Variants in CEP131 observed in about 807,000 individuals in gnomAD.
CEP131 encodes centrosomal protein 131, also known as centrosomal protein of 131 kDa.
A neutral mutation model predicts 136.8 loss-of-function variants in CEP131; 99 were observed. The observed-to-expected ratio is 0.72, with a 90% CI of 0.62 to 0.86. CEP131 has a LOEUF of 0.86. Ranked by LOEUF, CEP131 falls within the 40% of genes least tolerant of loss-of-function variation. The probability of loss-of-function intolerance (pLI) is 0.00; values close to 1 mark genes in which losing one functional copy is unlikely to be tolerated. For missense variants in CEP131, 1,459 were observed against 1,463.0 expected (o/e 1.00, Z 0.04); for synonymous variants, 646 against 612.7 (o/e 1.05, Z -0.80).
In CEP131 at chr17:81,219,252, C is replaced by G. The variant is rs541819031; in HGVS notation, c.177+628G>C. ...ACCCGTCTAGGTTTCTCCAAGGCCA[C>G]CAGGAGCTCATCACCCCTCCCCACA... On this transcript the variant is annotated intron_variant, in intron 2 of 25. Transcript: ENST00000450824. The surrounding 1 kb of genome is among the most constrained non-coding windows in gnomAD (Gnocchi z 4.0). 6.0e-5 allele frequency among the ~76,000 whole-genome samples: 9 copies of G among 149,928 alleles called. No homozygotes were observed. The highest frequency in any genetic ancestry group is 2.2e-4 in the African/African-American group (9 of 40,942).
At chr17:81,193,447 C>T (rs551187283) in intron 18 of CEP131, among the ~76,000 whole-genome samples, 6 of 152,138 alleles carry the variant, frequency 3.9e-5, no homozygotes, top group Admixed American at 1.3e-4. Context: ...CCCTGTGGCC[C>T]GCAGATCCTG....
chr17:81,199,880 G>A (rs753386339), intron 8 of CEP131, 45 bp from the exon 9 acceptor site: 15 of 1,589,486 alleles, frequency 9.4e-6, no homozygotes, highest in Admixed American at 3.3e-5. Flanking sequence ...TCTGGAAGAC[G>A]GAATCCAGAC....
chr17:81,219,886 C>G lies in CEP131; in HGVS notation c.171G>C (p.Lys57Asn). ...CCTAGGCCACAGTACTCACCAGCAC[C>G]TTCCTCTTCTGCTCGCTGCCTGTGA... ...SVVTGSEQKR[K>N]VLEATGPGGS... Residue 57 changes from lysine (K) to asparagine (N), a missense_variant, in exon 2 of 26, where the codon AAG (lysine) becomes AAC (asparagine). Physicochemically the swap from Lys to Asn is moderately conservative, Grantham distance 94 (BLOSUM62 0). Around this residue, in one of 3 missense-constraint regions of CEP131, gnomAD observed 187 missense variants for 179.9 expected, o/e 1.04. Transcript: ENST00000450824. The surrounding 1 kb of genome is among the most constrained non-coding windows in gnomAD (Gnocchi z 4.0). The G allele has an allele frequency of 6.2e-7, 1 of 1,605,318 alleles. No individual in the cohort carries two copies. The highest frequency in any genetic ancestry group is 1.3e-5 in the African/African-American group (1 of 74,572).
Position 81,197,578 on chromosome 17 carries a change from G to C in CEP131, c.1647+134C>G. 4 of 1,334,040 alleles carry C rather than the reference G, an allele frequency of 3.0e-6. No homozygotes were observed. In the South Asian group the frequency reaches 6.1e-5, roughly 20 times the overall value. The allele number at this position is 1,334,040 out of a possible 1,614,324, so 82.6% of individuals were successfully genotyped here. ...CCACCTCCTGCTGGGGGCCGGGTGG[G>C]GGCTGGCGAGAGACCTCCTCCCCCT... On this transcript the variant is annotated intron_variant, in intron 13 of 25. Transcript: ENST00000450824.
intron 2 of CEP131, among the ~76,000 whole-genome samples, chr17:81,216,919 T>C (rs548992064): frequency 6.6e-6 from 1 of 152,324 alleles, no homozygotes; most frequent in East Asian, 1.9e-4. Flanking sequence ...ATGAAGGGGC[T>C]GCCACTCACT....
At chr17:81,191,477 G>C (rs2061641041) in intron 21 of CEP131, 142 bp from the exon 22 acceptor site, 1 of 741,218 alleles carries the variant, frequency 1.3e-6, no homozygotes, top group Non-Finnish European at 2.3e-6. Context: ...CCCCTGTCCA[G>C]GGGTGCGCTA....
rs193110870 is a variant in CEP131 at position 81,195,686 on chromosome 17, C to T, written c.2016+149G>A. On this transcript the variant is annotated intron_variant, in intron 16 of 25. Transcript: ENST00000450824. ...GGACCAGCTCGGTGCCACGGTGCTC[C>T]CCCAGACAGCCCCACCCACCGCTGT... 1,483 of 706,942 alleles carry T rather than the reference C, an allele frequency of 2.1e-3. 16 individuals are homozygous for T. In the African/African-American group the frequency reaches 0.023, roughly 11 times the overall value. 43.8% of individuals were successfully genotyped at this position (706,942 alleles called of 1,614,324 possible).
chr17:81,205,150 C>T (rs1300638931), intron 5 of CEP131, among the ~76,000 whole-genome samples: 1 of 151,256 alleles, frequency 6.6e-6, no homozygotes, highest in African/African-American at 2.4e-5. Context: ...TCCCAGCTAC[C>T]CAGGAGGCTG....
At chr17:81,218,396 G>A (rs556332011) in intron 2 of CEP131, among the ~76,000 whole-genome samples, 1 of 152,310 alleles carries the variant, frequency 6.6e-6, no homozygotes, top group South Asian at 2.1e-4. Context: ...TGAACCTAGG[G>A]CTTTAGAAAC....
chr17:81,195,131 C>T (rs925419665), intron 16 of CEP131, among the ~76,000 whole-genome samples, 159 bp from the exon 17 acceptor site: 1 of 144,224 alleles, frequency 6.9e-6, no homozygotes. Flanking sequence ...TGCTGCCCTC[C>T]CCAGCGCCCG....
At chr17:81,197,929 C>G in intron 12 of CEP131, 41 bp from the exon 13 acceptor site, 1 of 1,590,522 alleles carries the variant, frequency 6.3e-7, no homozygotes, top group Non-Finnish European at 8.6e-7. Context: ...GTCAGGGCAG[C>G]CTGAGGACTT....
chr17:81,192,685 G>GGGGGGGGGGCCCCCCCC, intron 19 of CEP131, 51 bp downstream of exon 19: 1 of 478,416 alleles, frequency 2.1e-6, no homozygotes, highest in Non-Finnish European at 4.1e-6. Context: ...GGGGGGAGGG[G>GGGGGGGGGGCCCCCCCC]TCAGCCAGCG....
intron 7 of CEP131, 48 bp from the exon 8 acceptor site, chr17:81,200,494 C>G (rs1279054004): frequency 1.9e-5 from 26 of 1,390,690 alleles, no homozygotes; most frequent in Non-Finnish European, 1.2e-5. Context: ...AGCGCCCCGG[C>G]AGGACCCAGC....
At position 81,215,664 on chromosome 17, in the gene CEP131, G is replaced by A. The variant is rs895876392; in HGVS notation, c.177+4216C>T. On this transcript the variant is annotated intron_variant, in intron 2 of 25. Transcript: ENST00000450824. The surrounding 1 kb of genome is among the most constrained non-coding windows in gnomAD (Gnocchi z 4.1). ...TGACCTCAAGCAATCTGCCCACCTC[G>A]GCGTCCCAAAGTGCTGGGATTACAG... Among the ~76,000 whole-genome samples, 7 of 151,294 alleles carry A rather than the reference G, an allele frequency of 4.6e-5. No individual in the cohort carries two copies. The highest frequency in any genetic ancestry group is 2.0e-4 in the East Asian group (1 of 5,074).
At chr17:81,199,921 G>A in intron 8 of CEP131, 86 bp from the exon 9 acceptor site, 1 of 1,315,348 alleles carries the variant, frequency 7.6e-7, no homozygotes, top group South Asian at 1.2e-5. Flanking sequence ...CAACGCCCTG[G>A]AGTCCCCTAG....
rs756844720 is a variant in CEP131, at chr17:81,190,979, C to G, written c.2871G>C (p.Glu957Asp). Residue 957 changes from glutamate to aspartate, a missense_variant, in exon 23 of 26, where the codon GAG (glutamate) becomes GAC (aspartate). This residue lies in a region of CEP131 where 1,026 missense variants were observed against 964.2 expected (regional missense o/e 1.06). Transcript: ENST00000450824. ...RCSELKGQLG[E>D]AEGENLRLQG... ...GCAGACGCAGATTCTCGCCCTCGGC[C>G]TCCCCAAGCTGGCCCTTCAGCTCCG... 2.5e-6 allele frequency: 4 copies of G among 1,607,230 alleles called. No homozygotes were observed. Among genetic ancestry groups the G allele is most frequent in the Non-Finnish European group, 3.4e-6 (4 of 1,179,920 alleles).
At chr17:81,199,679 G>A (rs1484967913) in intron 9 of CEP131, 40 bp downstream of exon 9, 2 of 1,602,778 alleles carry the variant, frequency 1.2e-6, no homozygotes, top group Non-Finnish European at 8.5e-7. Flanking sequence ...GGTCAGGCCT[G>A]GGCCACGGTG....
At position 81,206,860 on chromosome 17, in the gene CEP131, G is replaced by A. The variant is rs1182497599; in HGVS notation, c.399C>T (p.Pro133=). 25 of 1,613,574 alleles carry A rather than the reference G, an allele frequency of 1.5e-5. No homozygotes were observed. The highest frequency in any genetic ancestry group is 8.8e-5 in the South Asian group (8 of 91,082). ...GATWNVLDDQ[P]RGFTLPSNAR... Reference sequence around the variant, plus strand: ...CATTGGATGGCAAGGTGAAGCCCCGGGGCTGGTCATCCTGTCAGACAGCTC... The same window carrying A: ...CATTGGATGGCAAGGTGAAGCCCCGAGGCTGGTCATCCTGTCAGACAGCTC... Residue 133 remains proline, a synonymous_variant, in exon 5 of 26, where the codon CCC becomes CCT. Transcript: ENST00000450824.
chr17:81,192,539 T>C lies in CEP131; in HGVS notation c.2484A>G (p.Ala828=), dbSNP rs747500920. The change falls in exon 20 of 26, where the codon GCA becomes GCG. Residue 828 remains alanine, a synonymous_variant. Transcript: ENST00000450824. ...ACTCAGCCCTCAGGGCTCGGGTCAG[T>C]GCAGAGCTGCTCTCCTCCAGCTGCT... is the stretch of plus-strand genomic sequence containing the variant. ...LRQQLEESSS[A]LTRALRAEFE... is the part of the protein sequence containing the mutation. The C allele has an allele frequency of 6.2e-7, 1 of 1,610,442 alleles. No individual in the cohort carries two copies. Among genetic ancestry groups the C allele is most frequent in the South Asian group, 1.1e-5 (1 of 90,702 alleles).
Sources: allele counts gnomAD v4.1 joint callset (sites outside exome capture counted in the v4.1 genomes callset), GRCh38; gene constraint gnomAD v4.1.1; regional missense constraint gnomAD v4.1.1; non-coding constraint Gnocchi (gnomAD v3.1); transcripts MANE v1.5; gene names NCBI Gene and HGNC (gene_info 2026-07-23, HGNC 2026-07-21).